The following CNTN5 variants were observed in gnomAD, a reference collection of about 807,000 sequenced individuals.
CNTN5 encodes contactin-5.
In CNTN5, 77 loss-of-function variants were observed where a neutral mutation model predicts 129.1. The observed-to-expected ratio is 0.60, with a 90% CI of 0.50 to 0.72. CNTN5 has a LOEUF of 0.72. Ranked by LOEUF, CNTN5 falls within the 30% of genes least tolerant of loss-of-function variation. The pLI is 0.00. For synonymous variants in CNTN5, 509 were observed against 465.6 expected (o/e 1.09, Z -1.20); for missense variants, 1,478 against 1,328.8 (o/e 1.11, Z -1.75).
intron 3 of CNTN5, among the ~76,000 whole-genome samples, chr11:99,721,187 C>A (rs773944657): frequency 1.8e-4 from 28 of 152,096 alleles, no homozygotes; most frequent in Non-Finnish European, 4.0e-4. Context: ...CAACGCCTTC[C>A]TAAGCAAAAG....
intron 4 of CNTN5, among the ~76,000 whole-genome samples, chr11:99,833,129 G>A: frequency 6.6e-6 from 1 of 152,190 alleles, no homozygotes; most frequent in Admixed American, 6.5e-5. Context: ...GAACCTGGCT[G>A]CAGGAGTCTC....
At chr11:99,402,121 C>G (rs6421596) in intron 2 of CNTN5, among the ~76,000 whole-genome samples, 112,968 of 152,050 alleles carry the variant, frequency 0.74, 42,761 homozygotes, top group African/African-American at 0.89. Context: ...TAACAGTGAT[C>G]ATAGTGAGGA....
intron 1 of CNTN5, among the ~76,000 whole-genome samples, chr11:99,090,243 AT>A (rs148864109): frequency 3.3e-5 from 5 of 152,164 alleles, no homozygotes; most frequent in Admixed American, 1.3e-4. Context: ...TTTAATGCGA[AT>A]TTTTTTCTTT....
intron 1 of CNTN5, among the ~76,000 whole-genome samples, chr11:99,036,017 C>G (rs1326556908): frequency 6.6e-6 from 1 of 151,970 alleles, no homozygotes; most frequent in Non-Finnish European, 1.5e-5. Flanking sequence ...TTTTATTTCT[C>G]CTTCACTTAT....
intron 16 of CNTN5, among the ~76,000 whole-genome samples, chr11:100,233,392 A>G (rs1949536255): frequency 6.6e-6 from 1 of 152,196 alleles, no homozygotes; most frequent in South Asian, 2.1e-4. Context: ...ACTCACCGCA[A>G]CTTAAGGATT....
chr11:99,026,323 T>C (rs1298136502), intron 1 of CNTN5, among the ~76,000 whole-genome samples: 1 of 151,644 alleles, frequency 6.6e-6, no homozygotes, highest in African/African-American at 2.4e-5. Context: ...AGATATAGAC[T>C]GGCTTAATAT....
At chr11:100,032,071 T>A (rs939914502) in intron 9 of CNTN5, among the ~76,000 whole-genome samples, 1 of 152,196 alleles carries the variant, frequency 6.6e-6, no homozygotes, top group Non-Finnish European at 1.5e-5. Flanking sequence ...ATAAAAGTTC[T>A]AATGCACCTA....
At chr11:100,239,791 A>G (rs1949698170) in intron 16 of CNTN5, among the ~76,000 whole-genome samples, 1 of 152,234 alleles carries the variant, frequency 6.6e-6, no homozygotes, top group Admixed American at 6.5e-5. Context: ...AATATTTTGC[A>G]AGTTACATAG....
intron 13 of CNTN5, among the ~76,000 whole-genome samples, chr11:100,162,535 A>T (rs1947491164): frequency 6.6e-6 from 1 of 151,878 alleles, no homozygotes; most frequent in East Asian, 1.9e-4. Context: ...ATTGATTTTG[A>T]TACAATTCCT....
chr11:99,854,609 A>G lies in CNTN5; in HGVS notation c.577+9347A>G, dbSNP rs142077280. On this transcript the variant is annotated intron_variant, in intron 6 of 24. Transcript: ENST00000524871. The stretch of plus-strand genomic sequence containing the variant: ...GATCAATTCTATTGAACAATTTATA[A>G]TGCCAGTACATAATCAAGTCACACA... 3.9e-5 allele frequency among the ~76,000 whole-genome samples: 6 copies of G among 152,336 alleles called. No individual in the cohort carries two copies. In the East Asian group the frequency reaches 1.2e-3, roughly 29 times the overall value.
intron 3 of CNTN5, among the ~76,000 whole-genome samples, chr11:99,643,118 T>C (rs1221212508): frequency 6.6e-6 from 1 of 152,134 alleles, no homozygotes; most frequent in Non-Finnish European, 1.5e-5. Flanking sequence ...TATAAGGTTT[T>C]AAAAATGGAT....
At chr11:99,615,697 C>T (rs963858271) in intron 3 of CNTN5, among the ~76,000 whole-genome samples, 2 of 151,848 alleles carry the variant, frequency 1.3e-5, no homozygotes, top group Admixed American at 6.6e-5. Context: ...AGTACAACAT[C>T]ACATTCAGGA....
At chr11:100,035,035 T>C (rs942113696) in intron 9 of CNTN5, among the ~76,000 whole-genome samples, 1 of 152,164 alleles carries the variant, frequency 6.6e-6, no homozygotes, top group Admixed American at 6.5e-5. Flanking sequence ...GTTTGTTACA[T>C]ATGGATCCAT....
chr11:99,369,884 T>TA lies in CNTN5; in HGVS notation c.-71+44409dup, dbSNP rs200865146. Among the ~76,000 whole-genome samples the TA allele has an allele frequency of 2.6e-4, 39 of 151,476 alleles. No individual in the cohort carries two copies. The East Asian group carries it at 4.1e-3, about 16-fold the overall frequency. On this transcript the variant is annotated intron_variant, in intron 2 of 24. Coordinates refer to ENST00000524871, the MANE Select transcript of CNTN5 (RefSeq NM_014361.4). ...AGAAGCAGATATTTACTAGCTAATT[T>TA]AAAAAAAAATTACACCAGTGAGCTA...
At chr11:99,159,811 G>A (rs1022709295) in intron 1 of CNTN5, among the ~76,000 whole-genome samples, 1 of 152,034 alleles carries the variant, frequency 6.6e-6, no homozygotes, top group Non-Finnish European at 1.5e-5. Flanking sequence ...GGAGAAGTAC[G>A]TATTTTACCT....
At chr11:99,777,017 T>C (rs2135367908) in intron 3 of CNTN5, among the ~76,000 whole-genome samples, 1 of 152,038 alleles carries the variant, frequency 6.6e-6, no homozygotes, top group African/African-American at 2.4e-5. Context: ...ATTGAGTTTT[T>C]TCATTTGATT....
chr11:99,022,012 G>A (rs1862891375), intron 1 of CNTN5, among the ~76,000 whole-genome samples: 1 of 152,140 alleles, frequency 6.6e-6, no homozygotes, highest in Admixed American at 6.5e-5. Flanking sequence ...AAATATTTTA[G>A]AATTATATTA....
rs1272853335 is a variant in CNTN5, at chr11:100,357,952, T to C, written c.*1732T>C. 1.3e-5 allele frequency: 2 copies of C among 151,856 alleles called. No homozygotes were observed. The highest frequency in any genetic ancestry group is 4.1e-4 in the South Asian group (2 of 4,836). 9.4% of individuals were successfully genotyped at this position (151,856 alleles called of 1,614,324 possible). A position where few individuals can be genotyped will look rare whatever the true frequency, so the allele number is the denominator to read the frequency against. The stretch of plus-strand genomic sequence containing the variant: ...ATGATATTATAGTAAATACTACAGA[T>C]GGTAAGTATTTAAGCCTGTAAGTAA... On this transcript the variant is annotated 3_prime_UTR_variant, in exon 25 of 25. Coordinates refer to ENST00000524871, the MANE Select transcript of CNTN5 (RefSeq NM_014361.4).
At chr11:100,093,889 G>A (rs1944891104) in intron 13 of CNTN5, among the ~76,000 whole-genome samples, 1 of 152,108 alleles carries the variant, frequency 6.6e-6, no homozygotes, top group South Asian at 2.1e-4. Flanking sequence ...GGCAGAAGGA[G>A]CAAACACAGC....
Sources: gnomAD v4.1 joint callset for allele counts (sites outside exome capture counted in the v4.1 genomes callset) on GRCh38, gnomAD v4.1.1 for gene constraint, MANE v1.5 for transcripts, NCBI Gene and HGNC (gene_info 2026-07-23, HGNC 2026-07-21) for gene names.